SYNPO2: variants seen among roughly 807,000 people sequenced by gnomAD.
SYNPO2 encodes synaptopodin 2.
Under a neutral mutation model 85.0 loss-of-function variants are expected in SYNPO2, and 56 were observed. That is an observed-to-expected ratio of 0.66 (90% CI 0.53 to 0.82). The LOEUF is 0.82. Among genes scored for constraint, SYNPO2 ranks in the 40% least tolerant of loss-of-function variants. SYNPO2 has a pLI of 0.00. For synonymous variants in SYNPO2, 602 were observed against 591.1 expected (o/e 1.02, Z -0.27); for missense variants, 1,575 against 1,534.2 (o/e 1.03, Z -0.44).
chr4:118,866,223 G>T (rs1373951648), intron 1 of SYNPO2, among the ~76,000 whole-genome samples: 1 of 152,116 alleles, frequency 6.6e-6, no homozygotes. Context: ...CCCATTGTGT[G>T]CATTGTAGGA....
chr4:118,869,349 C>CTT (rs1731759710), intron 1 of SYNPO2, among the ~76,000 whole-genome samples: 1 of 152,102 alleles, frequency 6.6e-6, no homozygotes, highest in Non-Finnish European at 1.5e-5. Flanking sequence ...CTGCACCCAG[C>CTT]CTAAGAAAAT....
At chr4:118,940,494 C>CT (rs2149137312) in intron 1 of SYNPO2, among the ~76,000 whole-genome samples, 1 of 61,946 alleles carries the variant, frequency 1.6e-5, no homozygotes, top group South Asian at 1.0e-3. Flanking sequence ...TGCAAGCTTT[C>CT]ATTTTTTTTT....
chr4:118,964,027 G>A (rs1735207004), intron 1 of SYNPO2, among the ~76,000 whole-genome samples: 1 of 152,166 alleles, frequency 6.6e-6, no homozygotes. Flanking sequence ...ACGTACATGG[G>A]TTTTGCATGA....
At chr4:119,033,587 G>A (rs1738375017) in intron 4 of SYNPO2, 2 of 985,338 alleles carry the variant, frequency 2.0e-6, no homozygotes, top group Non-Finnish European at 2.4e-6. Context: ...TATGTTTAGA[G>A]ACCTCTCAGA....
At chr4:118,936,899 T>C (rs771778204) in intron 1 of SYNPO2, among the ~76,000 whole-genome samples, 3 of 152,026 alleles carry the variant, frequency 2.0e-5, no homozygotes, top group Non-Finnish European at 4.4e-5. Flanking sequence ...CTGGAGCGCC[T>C]CTCTCTTCAT....
At chr4:118,863,608 G>C (rs1731650695) in intron 1 of SYNPO2, among the ~76,000 whole-genome samples, 1 of 151,294 alleles carries the variant, frequency 6.6e-6, no homozygotes, top group Non-Finnish European at 1.5e-5. Context: ...TCAACTTTTT[G>C]TTTCATTTAT....
intron 4 of SYNPO2, among the ~76,000 whole-genome samples, chr4:119,041,586 A>T (rs10518313): frequency 6.6e-6 from 1 of 152,030 alleles, no homozygotes; most frequent in Non-Finnish European, 1.5e-5. Context: ...TATGGGCTAG[A>T]TTTTGAATTC....
At chr4:119,054,104 T>C (rs1739135220) in intron 4 of SYNPO2, among the ~76,000 whole-genome samples, 1 of 152,210 alleles carries the variant, frequency 6.6e-6, no homozygotes, top group Non-Finnish European at 1.5e-5. Flanking sequence ...GCTCAACCCC[T>C]TGAGGGAGGG....
intron 1 of SYNPO2, among the ~76,000 whole-genome samples, chr4:118,979,017 T>C (rs1243034289): frequency 6.6e-6 from 1 of 152,232 alleles, no homozygotes; most frequent in Non-Finnish European, 1.5e-5. Context: ...CTTTATTGTT[T>C]AACACCTGTA....
chr4:118,890,466 C>G (rs746706482), intron 1 of SYNPO2, among the ~76,000 whole-genome samples: 2 of 152,104 alleles, frequency 1.3e-5, no homozygotes, highest in African/African-American at 2.4e-5. Flanking sequence ...ATTAAAGGCT[C>G]AGAAAGGTGG....
intron 1 of SYNPO2, among the ~76,000 whole-genome samples, chr4:118,990,060 T>G (rs2149167493): frequency 6.6e-6 from 1 of 152,354 alleles, no homozygotes; most frequent in Non-Finnish European, 1.5e-5. Context: ...GCAGAGTGAT[T>G]TAATGAGAAG....
At chr4:118,879,454 T>C (rs1014270133) in intron 1 of SYNPO2, among the ~76,000 whole-genome samples, 2 of 152,174 alleles carry the variant, frequency 1.3e-5, no homozygotes, top group South Asian at 4.1e-4. Flanking sequence ...TGTGAATGGA[T>C]TAGTGCCCCT....
chr4:118,876,697 CTTTCTTTCTTTCTTTCTTTCTTTCTT>C (rs1316874006), intron 1 of SYNPO2, among the ~76,000 whole-genome samples: 2 of 105,290 alleles, frequency 1.9e-5, no homozygotes, highest in Non-Finnish European at 4.0e-5. Context: ...TTCTTTCTTT[CTTTCTTTCTTTCTTTCTTTCTTTCTT>C]TCTTTCTTTC....
At chr4:119,007,272 ATATG>A (rs1560972662) in intron 1 of SYNPO2, among the ~76,000 whole-genome samples, 4 of 98,448 alleles carry the variant, frequency 4.1e-5, no homozygotes, top group Admixed American at 1.1e-4. Context: ...ATATATATAT[ATATG>A]TATATACATA....
chr4:118,871,358 C>CTT (rs546650547), intron 1 of SYNPO2, among the ~76,000 whole-genome samples: 1 of 146,366 alleles, frequency 6.8e-6, no homozygotes, highest in African/African-American at 2.5e-5. Context: ...AGCCTCTTTT[C>CTT]TTTTTTTTTT....
intron 1 of SYNPO2, among the ~76,000 whole-genome samples, chr4:118,859,573 C>G (rs1731573585): frequency 6.6e-6 from 1 of 152,182 alleles, no homozygotes; most frequent in Non-Finnish European, 1.5e-5. Context: ...AACCCCCTGC[C>G]ACTACCCTTC....
intron 1 of SYNPO2, among the ~76,000 whole-genome samples, chr4:118,883,340 A>T (rs1176939958): frequency 6.6e-6 from 1 of 152,240 alleles, no homozygotes; most frequent in Non-Finnish European, 1.5e-5. Flanking sequence ...ATGGAAAGTA[A>T]TGATGTTTTT....
chr4:119,015,248 G>A (rs911107128), intron 1 of SYNPO2, among the ~76,000 whole-genome samples: 2 of 152,072 alleles, frequency 1.3e-5, no homozygotes, highest in East Asian at 1.9e-4. Flanking sequence ...AGGCAAGATC[G>A]CCAGTTTACT....
intron 1 of SYNPO2, among the ~76,000 whole-genome samples, chr4:118,923,691 A>G (rs969582864): frequency 6.6e-6 from 1 of 152,288 alleles, no homozygotes; most frequent in South Asian, 2.1e-4. Flanking sequence ...CATCTCTTCT[A>G]GAATGTAGAT....
Sources: allele counts gnomAD v4.1 joint callset (sites outside exome capture counted in the v4.1 genomes callset), GRCh38; gene constraint gnomAD v4.1.1; transcripts MANE v1.5; gene names NCBI Gene and HGNC (gene_info 2026-07-23, HGNC 2026-07-21).